RFTN1: variants seen among roughly 807,000 people sequenced by gnomAD.
RFTN1 encodes the protein raftlin, lipid raft linker 1.
RFTN1 carries 26 observed loss-of-function variants against 46.5 expected under a neutral mutation model. The ratio of observed to expected loss-of-function variants is 0.56; its 90% CI spans 0.41 to 0.78. The LOEUF (loss-of-function observed/expected upper bound fraction) is 0.78, where lower values mean the gene tolerates loss of function less well. Ranked by LOEUF, RFTN1 falls within the 30% of genes least tolerant of loss-of-function variation. The pLI is 0.00. For synonymous variants in RFTN1, 261 were observed against 284.2 expected (o/e 0.92, Z 0.82); for missense variants, 693 against 718.7 (o/e 0.96, Z 0.41).
rs911522115 is a variant in RFTN1, at chr3:16,507,624, A to G, written c.-9+5818T>C. On this transcript the variant is annotated intron_variant, in intron 1 of 9. Transcript: ENST00000334133. The surrounding 1 kb of genome is among the most constrained non-coding windows in gnomAD (Gnocchi z 7.1). ...AACACACACACACACACACACACATACACACACACATGCACACATCCACAA... is the reference window on the plus strand; with the variant it reads ...AACACACACACACACACACACACATGCACACACACATGCACACATCCACAA... Among the ~76,000 whole-genome samples the G allele has an allele frequency of 1.3e-5, 2 of 150,298 alleles. No individual in the cohort carries two copies. Among genetic ancestry groups the G allele is most frequent in the East Asian group, 1.9e-4 (1 of 5,182 alleles).
intron 2 of RFTN1, among the ~76,000 whole-genome samples, chr3:16,487,208 T>C (rs2076461418): frequency 6.6e-6 from 1 of 152,260 alleles, no homozygotes; most frequent in Non-Finnish European, 1.5e-5. Flanking sequence ...GAACACCTCC[T>C]GTCTAGTTCA....
chr3:16,435,007 T>G (rs2075474828), intron 2 of RFTN1, among the ~76,000 whole-genome samples: 1 of 152,256 alleles, frequency 6.6e-6, no homozygotes, highest in South Asian at 2.1e-4. Context: ...ATTTTTAATT[T>G]ATTTATTTTT....
intron 1 of RFTN1, among the ~76,000 whole-genome samples, chr3:16,511,682 G>C (rs578250104): frequency 2.0e-5 from 3 of 152,004 alleles, no homozygotes; most frequent in Admixed American, 6.5e-5. Flanking sequence ...AACATAAGTA[G>C]CTTTACAGGA....
chr3:16,403,287 T>C (rs1307782553), intron 4 of RFTN1, among the ~76,000 whole-genome samples: 1 of 151,924 alleles, frequency 6.6e-6, no homozygotes, highest in Non-Finnish European at 1.5e-5. Context: ...TCCAACAGGC[T>C]GGGTTCATAT....
At chr3:16,444,164 G>A (rs111820650) in intron 2 of RFTN1, among the ~76,000 whole-genome samples, 1,923 of 152,304 alleles carry the variant, frequency 0.013, 46 homozygotes, top group African/African-American at 0.043. Context: ...TGAGTCAGAA[G>A]AAAGCAAATT....
intron 3 of RFTN1, among the ~76,000 whole-genome samples, chr3:16,431,925 G>C (rs1183895699): frequency 6.6e-6 from 1 of 152,202 alleles, no homozygotes; most frequent in Non-Finnish European, 1.5e-5. Context: ...AGGTACGGGA[G>C]ACAGCCTTCC....
At chr3:16,324,175 GTA>G (rs2069411925) in intron 8 of RFTN1, among the ~76,000 whole-genome samples, 1 of 151,902 alleles carries the variant, frequency 6.6e-6, no homozygotes, top group Non-Finnish European at 1.5e-5. Flanking sequence ...AATAATAATT[GTA>G]TATTTATGGG....
At chr3:16,331,505 C>T (rs917743446) in intron 7 of RFTN1, among the ~76,000 whole-genome samples, 16 of 151,906 alleles carry the variant, frequency 1.1e-4, no homozygotes, top group African/African-American at 2.4e-5. Flanking sequence ...TTTATATAAC[C>T]CTCTGTTTTT....
At chr3:16,437,049 T>C (rs1030809860) in intron 2 of RFTN1, among the ~76,000 whole-genome samples, 6 of 152,218 alleles carry the variant, frequency 3.9e-5, no homozygotes, top group Admixed American at 3.9e-4. Flanking sequence ...TGCAAGAAAC[T>C]GGCAAAATTT....
chr3:16,374,849 G>T lies in RFTN1; in HGVS notation c.826+2869C>A, dbSNP rs995801099. On this transcript the variant is annotated intron_variant, in intron 5 of 9. Transcript: ENST00000334133. This position sits in a 1 kb window ranked among gnomAD's most constrained non-coding sequence, Gnocchi z 5.4. ...TCAGCGAGCAGGAAGAGGAACCCAC[G>T]GCGGGCCTCCCCAAGAACCTGCAGG... Among the ~76,000 whole-genome samples, 3 of 152,110 alleles carry T rather than the reference G, an allele frequency of 2.0e-5. No individual in the cohort carries two copies. Among genetic ancestry groups the T allele is most frequent in the South Asian group, 4.2e-4 (2 of 4,810 alleles).
In RFTN1 at chr3:16,378,107, G is replaced by C; in HGVS notation, c.442-5C>G. The C allele has an allele frequency of 6.2e-7, 1 of 1,605,160 alleles. No individual in the cohort carries two copies. ...CTGGCTTGCAGCCTCCTGGATCTGT[G>C]AGGCAAACAAAAGGAAGGGAAACAA... On this transcript the variant is annotated splice_polypyrimidine_tract_variant and splice_region_variant and intron_variant, in intron 4 of 9. Coordinates refer to ENST00000334133, the MANE Select transcript of RFTN1 (RefSeq NM_015150.2).
At chr3:16,391,794 G>A (rs7624893) in intron 4 of RFTN1, among the ~76,000 whole-genome samples, 36,356 of 149,006 alleles carry the variant, frequency 0.24, 7,547 homozygotes, top group African/African-American at 0.56. Flanking sequence ...AAGCTGGATT[G>A]ACCATAGACT....
intron 4 of RFTN1, among the ~76,000 whole-genome samples, chr3:16,398,244 CAAAAAAAAAAAAA>C (rs202032095): frequency 2.7e-5 from 3 of 110,852 alleles, no homozygotes; most frequent in Admixed American, 1.0e-4. Context: ...AAGACTGTCT[CAAAAAAAAAAAAA>C]AAAAAAAAAA....
rs575890074 is a variant in RFTN1, at chr3:16,413,941, C to G, written c.333-4458G>C. 6.6e-5 allele frequency among the ~76,000 whole-genome samples: 10 copies of G among 152,294 alleles called. No individual in the cohort carries two copies. The highest frequency in any genetic ancestry group is 3.4e-3 in the Middle Eastern group (1 of 294). The stretch of plus-strand genomic sequence containing the variant: ...CTAATGAATGGGATATTATACGGAG[C>G]TACCTCTTAACATTGCTGTAAGGAT... On this transcript the variant is annotated intron_variant, in intron 3 of 9. Transcript: ENST00000334133. The surrounding 1 kb of genome is among the most constrained non-coding windows in gnomAD (Gnocchi z 4.7).
rs2075334488 is a variant in RFTN1 at position 16,428,883 on chromosome 3, A to C, written c.332+4968T>G. Among the ~76,000 whole-genome samples, 1 of 152,240 alleles carries C rather than the reference A, an allele frequency of 6.6e-6. No individual in the cohort carries two copies. Among genetic ancestry groups the C allele is most frequent in the Non-Finnish European group, 1.5e-5 (1 of 68,044 alleles). On this transcript the variant is annotated intron_variant, in intron 3 of 9. Coordinates refer to ENST00000334133, the MANE Select transcript of RFTN1 (RefSeq NM_015150.2). The surrounding 1 kb of genome is among the most constrained non-coding windows in gnomAD (Gnocchi z 4.7). ...CAAGTTTCAAGATCTTTAGCAACTC[A>C]TTCTAAGGAAAACTACTTGAAAAAA...
Position 16,356,368 on chromosome 3 carries a change from C to T in RFTN1, c.1146+1564G>A, listed in dbSNP as rs534145654. Among the ~76,000 whole-genome samples, 2 of 152,312 alleles carry T rather than the reference C, an allele frequency of 1.3e-5. No individual in the cohort carries two copies. The highest frequency in any genetic ancestry group is 1.9e-4 in the East Asian group (1 of 5,186). On this transcript the variant is annotated intron_variant, in intron 7 of 9. Coordinates refer to ENST00000334133, the MANE Select transcript of RFTN1 (RefSeq NM_015150.2). This position sits in a 1 kb window ranked among gnomAD's most constrained non-coding sequence, Gnocchi z 4.9. ...CTTCCCTCAGGACTTCTGGCCCCTA[C>T]GCTAACCAGCCCCGGATGCTGTGAC... is the stretch of plus-strand genomic sequence containing the variant.
intron 2 of RFTN1, among the ~76,000 whole-genome samples, chr3:16,482,473 A>C (rs1218766654): frequency 1.3e-5 from 2 of 152,184 alleles, no homozygotes; most frequent in Non-Finnish European, 2.9e-5. Flanking sequence ...ATGACCGATC[A>C]CAGCCAACCA....
Position 16,422,918 on chromosome 3 carries a change from G to A in RFTN1, c.332+10933C>T, listed in dbSNP as rs1188811713. ...GCAGTGGCTCACGCCTGTAATCCCAGCACTTTGGGAGGCCGAAGTGGGTGG... is the reference window on the plus strand; with the variant it reads ...GCAGTGGCTCACGCCTGTAATCCCAACACTTTGGGAGGCCGAAGTGGGTGG... On this transcript the variant is annotated intron_variant, in intron 3 of 9. Coordinates refer to ENST00000334133, the MANE Select transcript of RFTN1 (RefSeq NM_015150.2). The surrounding 1 kb of genome is among the most constrained non-coding windows in gnomAD (Gnocchi z 4.6). Among the ~76,000 whole-genome samples the A allele has an allele frequency of 3.3e-5, 5 of 152,074 alleles. No individual in the cohort carries two copies.
intron 4 of RFTN1, among the ~76,000 whole-genome samples, chr3:16,379,667 G>T (rs17272488): frequency 1.3e-5 from 2 of 151,938 alleles, no homozygotes; most frequent in Non-Finnish European, 2.9e-5. Flanking sequence ...CCACTCATAC[G>T]CCCCGAGTTG....
Sources: gnomAD v4.1 joint callset for allele counts (sites outside exome capture counted in the v4.1 genomes callset) on GRCh38, gnomAD v4.1.1 for gene constraint, Gnocchi (gnomAD v3.1) non-coding constraint, MANE v1.5 for transcripts, NCBI Gene and HGNC (gene_info 2026-07-23, HGNC 2026-07-21) for gene names.